Variants in PTPRD observed in about 807,000 individuals in gnomAD.
PTPRD encodes the protein receptor-type tyrosine-protein phosphatase delta.
Under a neutral mutation model 214.5 loss-of-function variants are expected in PTPRD, and 34 were observed. The observed-to-expected ratio is 0.16, with a 90% CI of 0.12 to 0.21. PTPRD has a LOEUF of 0.21. Among genes scored for constraint, PTPRD ranks in the 10% least tolerant of loss-of-function variants. PTPRD has a pLI of 1.00. For missense variants in PTPRD, 2,545 were observed against 2,398.7 expected, an observed-to-expected ratio of 1.06 and a Z score of -1.27; for synonymous variants, 1,128 against 845.7, an observed-to-expected ratio of 1.33 and a Z score of -5.79.
intron 9 of PTPRD, among the ~76,000 whole-genome samples, chr9:9,385,408 C>G (rs959168083): frequency 3.9e-5 from 6 of 152,130 alleles, no homozygotes; most frequent in Non-Finnish European, 5.9e-5. Flanking sequence ...AAGCGAAGTA[C>G]TAGACAATCT....
chr9:8,438,987 C>A (rs1024501280), intron 34 of PTPRD, among the ~76,000 whole-genome samples: 1 of 152,062 alleles, frequency 6.6e-6, no homozygotes, highest in Non-Finnish European at 1.5e-5. Flanking sequence ...TTCAAGCAGA[C>A]CTACATTGAG....
Position 8,648,605 on chromosome 9 carries a change from A to G in PTPRD, c.65-11761T>C, listed in dbSNP as rs1323591136. Among the ~76,000 whole-genome samples the G allele has an allele frequency of 2.6e-5, 4 of 152,228 alleles. No individual in the cohort carries two copies. The East Asian group carries it at 7.7e-4, about 29-fold the overall frequency. On this transcript the variant is annotated intron_variant, in intron 12 of 45. Coordinates refer to ENST00000381196, the MANE Select transcript of PTPRD (RefSeq NM_002839.4). Reference sequence around the variant, plus strand: ...CTTACTACCTATTTATGCATTCAAAATACTCAGACTGTGCATCCGTTTTGT... The same window carrying G: ...CTTACTACCTATTTATGCATTCAAAGTACTCAGACTGTGCATCCGTTTTGT...
chr9:9,044,100 C>G (rs452629), intron 10 of PTPRD, among the ~76,000 whole-genome samples: 7 of 151,868 alleles, frequency 4.6e-5, no homozygotes, highest in Non-Finnish European at 7.4e-5. Flanking sequence ...TAAACTTCCA[C>G]AAAGACAATT....
rs539521255 is a variant in PTPRD at position 8,519,662 on chromosome 9, C to T, written c.962-1233G>A. 3.3e-5 allele frequency among the ~76,000 whole-genome samples: 5 copies of T among 152,148 alleles called. No individual in the cohort carries two copies. In the South Asian group the frequency reaches 1.0e-3, roughly 32 times the overall value. On this transcript the variant is annotated intron_variant, in intron 20 of 45. Transcript: ENST00000381196. ...CACTCGGTAGGTTTTTAATGAGAAT[C>T]GTTAAACAGTTAACTGAATAAATGA...
intron 6 of PTPRD, among the ~76,000 whole-genome samples, chr9:9,745,233 G>T (rs938466103): frequency 6.6e-6 from 1 of 152,016 alleles, no homozygotes; most frequent in Non-Finnish European, 1.5e-5. Flanking sequence ...AATAGATTGT[G>T]TGGCTGTTGT....
chr9:9,489,974 G>A (rs1351732792), intron 8 of PTPRD, among the ~76,000 whole-genome samples: 1 of 151,980 alleles, frequency 6.6e-6, no homozygotes, highest in Non-Finnish European at 1.5e-5. Flanking sequence ...AATTTCAAAA[G>A]CCAGAAACAA....
intron 33 of PTPRD, among the ~76,000 whole-genome samples, chr9:8,456,926 A>C (rs1421586582): frequency 2.6e-5 from 4 of 152,182 alleles, no homozygotes; most frequent in East Asian, 3.8e-4. Context: ...GGTAAGGTTA[A>C]CAGTTTATTT....
chr9:9,958,290 G>A (rs1334329483), intron 4 of PTPRD, among the ~76,000 whole-genome samples: 2 of 152,204 alleles, frequency 1.3e-5, no homozygotes, highest in African/African-American at 4.8e-5. Flanking sequence ...AGCACTTTGG[G>A]AGGCTGAGGT....
rs138051728 is a variant in PTPRD, at chr9:9,709,512, A to G, written c.-287+25021T>C. ...AACTGATAAATTAGTATAAAACAAG[A>G]AACAAATAATGAGCTACTTTGATTT... On this transcript the variant is annotated intron_variant, in intron 7 of 45. Coordinates refer to ENST00000381196, the MANE Select transcript of PTPRD (RefSeq NM_002839.4). Among the ~76,000 whole-genome samples, 19 of 152,158 alleles carry G rather than the reference A, an allele frequency of 1.2e-4. No individual in the cohort carries two copies. The East Asian group carries it at 3.3e-3, about 26-fold the overall frequency.
chr9:10,156,204 C>T (rs1443068190), intron 3 of PTPRD, among the ~76,000 whole-genome samples: 3 of 151,520 alleles, frequency 2.0e-5, no homozygotes, highest in Admixed American at 2.0e-4. Context: ...TCTTGGTTCT[C>T]TAGCTCTTTT....
At chr9:8,992,840 A>G (rs1184286089) in intron 11 of PTPRD, among the ~76,000 whole-genome samples, 1 of 152,192 alleles carries the variant, frequency 6.6e-6, no homozygotes, top group Non-Finnish European at 1.5e-5. Flanking sequence ...GAGGGACTAA[A>G]GGGACAGAAA....
At chr9:9,835,689 C>T (rs1213779015) in intron 5 of PTPRD, among the ~76,000 whole-genome samples, 1 of 152,026 alleles carries the variant, frequency 6.6e-6, no homozygotes, top group African/African-American at 2.4e-5. Flanking sequence ...TGTGACCATA[C>T]CAAAGTAAGT....
At chr9:9,622,629 T>C (rs1286695448) in intron 7 of PTPRD, among the ~76,000 whole-genome samples, 1 of 152,226 alleles carries the variant, frequency 6.6e-6, no homozygotes, top group Non-Finnish European at 1.5e-5. Flanking sequence ...TAAGTTCTGA[T>C]CATTGCTGGG....
intron 7 of PTPRD, among the ~76,000 whole-genome samples, chr9:9,670,185 T>C (rs926853817): frequency 2.6e-5 from 4 of 152,136 alleles, no homozygotes; most frequent in Admixed American, 2.0e-4. Context: ...TTGTGTTTAA[T>C]GTAGAAGCAA....
chr9:8,581,863 A>T (rs1010212683), intron 14 of PTPRD, among the ~76,000 whole-genome samples: 5 of 125,888 alleles, frequency 4.0e-5, no homozygotes, highest in Admixed American at 1.0e-4. Flanking sequence ...GGTGGAGGCG[A>T]GTTCCTGTCA....
At chr9:9,431,368 C>T (rs1345949348) in intron 8 of PTPRD, among the ~76,000 whole-genome samples, 1 of 152,110 alleles carries the variant, frequency 6.6e-6, no homozygotes, top group African/African-American at 2.4e-5. Flanking sequence ...CATCTCACAC[C>T]AGTTAGAATG....
At chr9:9,070,057 G>A (rs770529016) in intron 10 of PTPRD, among the ~76,000 whole-genome samples, 2 of 152,312 alleles carry the variant, frequency 1.3e-5, no homozygotes, top group Admixed American at 6.5e-5. Flanking sequence ...CAAAGTCCTT[G>A]AGGAATCAGT....
chr9:8,369,100 C>T (rs117673106), intron 39 of PTPRD, among the ~76,000 whole-genome samples: 1 of 152,214 alleles, frequency 6.6e-6, no homozygotes, highest in East Asian at 1.9e-4. Flanking sequence ...TCAAAACTAT[C>T]ACATGCTTTG....
intron 6 of PTPRD, among the ~76,000 whole-genome samples, chr9:9,748,419 A>T (rs1362291927): frequency 6.6e-6 from 1 of 152,230 alleles, no homozygotes; most frequent in African/African-American, 2.4e-5. Flanking sequence ...GTGCATTAAC[A>T]TGGACAGTTC....
Sources: allele counts gnomAD v4.1 joint callset (sites outside exome capture counted in the v4.1 genomes callset), GRCh38; gene constraint gnomAD v4.1.1; transcripts MANE v1.5; gene names NCBI Gene and HGNC (gene_info 2026-07-23, HGNC 2026-07-21).